Variants in LRCH1 observed in about 807,000 individuals in gnomAD.
LRCH1 encodes the protein leucine-rich repeat and calponin homology domain-containing protein 1.
A neutral mutation model predicts 94.9 loss-of-function variants in LRCH1; 23 were observed. The ratio of observed to expected loss-of-function variants is 0.24; its 90% CI spans 0.17 to 0.34. The LOEUF (loss-of-function observed/expected upper bound fraction) is 0.34. Among genes scored for constraint, LRCH1 ranks in the 10% least tolerant of loss-of-function variants. The pLI is 1.00. For missense variants in LRCH1, 790 were observed against 945.9 expected, an observed-to-expected ratio of 0.84 and a Z score of 2.16; for synonymous variants, 364 against 354.9, an observed-to-expected ratio of 1.03 and a Z score of -0.29.
intron 1 of LRCH1, among the ~76,000 whole-genome samples, chr13:46,585,568 A>C (rs563906603): frequency 0.011 from 1,734 of 151,758 alleles, 37 homozygotes; most frequent in African/African-American, 0.04. Context: ...AAAAAAAAAA[A>C]AAACAAAAAA....
intron 1 of LRCH1, among the ~76,000 whole-genome samples, chr13:46,595,179 A>G (rs760374913): frequency 6.6e-6 from 1 of 152,154 alleles, no homozygotes; most frequent in East Asian, 1.9e-4. Context: ...CGAGAACCCT[A>G]TTCTCCTGTG....
chr13:46,580,324 G>A (rs574064376), intron 1 of LRCH1, among the ~76,000 whole-genome samples: 7 of 152,176 alleles, frequency 4.6e-5, no homozygotes, highest in African/African-American at 1.7e-4. Flanking sequence ...TTTTCTTGTA[G>A]GGCCCTTCTG....
intron 1 of LRCH1, among the ~76,000 whole-genome samples, chr13:46,610,183 A>G (rs1224913614): frequency 6.6e-6 from 1 of 152,212 alleles, no homozygotes; most frequent in Non-Finnish European, 1.5e-5. Context: ...AGAGTTTGAA[A>G]TGATAATCCA....
chr13:46,650,872 A>G (rs2051287531), intron 2 of LRCH1, among the ~76,000 whole-genome samples: 1 of 152,220 alleles, frequency 6.6e-6, no homozygotes, highest in Non-Finnish European at 1.5e-5. Flanking sequence ...GCCAGATACA[A>G]AGTTTGCTAT....
At chr13:46,653,073 C>G (rs780767850) in intron 2 of LRCH1, among the ~76,000 whole-genome samples, 3 of 152,070 alleles carry the variant, frequency 2.0e-5, no homozygotes, top group Non-Finnish European at 2.9e-5. Context: ...TTCATTGAAA[C>G]GGATCATGGC....
chr13:46,686,048 G>A lies in LRCH1; in HGVS notation c.822+7G>A. ...GCAGTCTCCTCCAGCACAGGTGAGG[G>A]GTCTTGCAGCAAAGCCAATGCCCCA... On this transcript the variant is annotated splice_region_variant and intron_variant, in intron 5 of 19. Coordinates refer to ENST00000389797, the MANE Select transcript of LRCH1 (RefSeq NM_001164211.2). The A allele has an allele frequency of 1.9e-6, 3 of 1,549,320 alleles. No homozygotes were observed. Among genetic ancestry groups the A allele is most frequent in the Non-Finnish European group, 2.6e-6 (3 of 1,152,026 alleles).
At chr13:46,733,532 G>A (rs571252796) in intron 18 of LRCH1, among the ~76,000 whole-genome samples, 4 of 151,946 alleles carry the variant, frequency 2.6e-5, no homozygotes, top group East Asian at 1.9e-4. Context: ...CTATATATAC[G>A]TGTGTGTGTG....
chr13:46,705,666 G>A, intron 13 of LRCH1: 1 of 385,868 alleles, frequency 2.6e-6, no homozygotes, highest in Non-Finnish European at 4.9e-6. Context: ...GCCAAGAAAA[G>A]GTCTGGGAAT....
In LRCH1 at chr13:46,649,865, A is replaced by AAT. The variant is rs2051270102; in HGVS notation, c.308-329_308-328dup. Reference sequence around the variant, plus strand: ...AAAAATTGAATTAATAATTTTGGTAAATATATATGTATTCAGATACGTTAA... The same window carrying AAT: ...AAAAATTGAATTAATAATTTTGGTAAATATATATATGTATTCAGATACGTTAA... On this transcript the variant is annotated intron_variant, in intron 1 of 19. Transcript: ENST00000389797. 2.0e-5 allele frequency among the ~76,000 whole-genome samples: 3 copies of AAT among 152,224 alleles called. No homozygotes were observed. The South Asian group carries it at 6.2e-4, about 32-fold the overall frequency.
chr13:46,583,501 G>A (rs2050396157), intron 1 of LRCH1, among the ~76,000 whole-genome samples: 1 of 152,176 alleles, frequency 6.6e-6, no homozygotes, highest in South Asian at 2.1e-4. Flanking sequence ...TAACTCAGAA[G>A]CCACTCTGTG....
chr13:46,750,451 C>T (rs1223879934), intron 18 of LRCH1: 2 of 919,494 alleles, frequency 2.2e-6, no homozygotes, highest in Non-Finnish European at 3.4e-6. Flanking sequence ...AGTATTCAAC[C>T]TAACTTTGAT....
intron 13 of LRCH1, among the ~76,000 whole-genome samples, chr13:46,706,788 C>T (rs546758899): frequency 6.6e-6 from 1 of 152,166 alleles, no homozygotes; most frequent in South Asian, 2.1e-4. Context: ...TCTACAAAAG[C>T]TTGCAAAAAT....
At chr13:46,555,827 C>T (rs999903594) in intron 1 of LRCH1, among the ~76,000 whole-genome samples, 3 of 152,202 alleles carry the variant, frequency 2.0e-5, no homozygotes, top group East Asian at 3.8e-4. Context: ...TTCTGCAAAA[C>T]GTCTTTGCCT....
At chr13:46,740,308 A>G (rs1169082302) in intron 19 of LRCH1, among the ~76,000 whole-genome samples, 4 of 152,260 alleles carry the variant, frequency 2.6e-5, no homozygotes, top group African/African-American at 4.8e-5. Context: ...CTGAATACAT[A>G]TAACATGATT....
chr13:46,752,896 G>A (rs1428966988), exon 19 of LRCH1: 2 of 152,028 alleles, frequency 1.3e-5, no homozygotes, highest in African/African-American at 4.8e-5. Flanking sequence ...CTATGGCTAA[G>A]ACGTCTTCAA....
Position 46,701,170 on chromosome 13 carries a change from C to G in LRCH1, c.1363C>G (p.Leu455Val). Reference sequence around the variant, plus strand: ...CATGGATATAGCAATGATCGAGCAGCTGAGAGAAGCAGTAGATTTGCTGCA... The same window carrying G: ...CATGGATATAGCAATGATCGAGCAGGTGAGAGAAGCAGTAGATTTGCTGCA... ...QDMDIAMIEQ[L>V]REAVDLLQDP... The change falls in exon 11 of 20, where the codon CTG becomes GTG. Residue 455 changes from leucine to valine, a missense_variant. Leu to Val is a conservative substitution (Grantham distance 32). Around this residue, in one of 3 missense-constraint regions of LRCH1, gnomAD observed 460 missense variants for 508.9 expected, o/e 0.90. Coordinates refer to ENST00000389797, the MANE Select transcript of LRCH1 (RefSeq NM_001164211.2). The G allele has an allele frequency of 6.2e-7, 1 of 1,613,846 alleles. No individual in the cohort carries two copies. The highest frequency in any genetic ancestry group is 8.5e-7 in the Non-Finnish European group (1 of 1,179,764).
At chr13:46,721,370 AT>A (rs1872576839) in intron 16 of LRCH1, among the ~76,000 whole-genome samples, 4 of 152,210 alleles carry the variant, frequency 2.6e-5, no homozygotes, top group Admixed American at 1.3e-4. Context: ...ATCCAACTCT[AT>A]CTGCATTTCT....
At chr13:46,633,236 G>A (rs911591076) in intron 1 of LRCH1, among the ~76,000 whole-genome samples, 3 of 152,198 alleles carry the variant, frequency 2.0e-5, no homozygotes, top group Non-Finnish European at 4.4e-5. Flanking sequence ...ATTTCTGGAA[G>A]GAGTCTAACT....
At chr13:46,640,810 T>C (rs1272493229) in intron 1 of LRCH1, among the ~76,000 whole-genome samples, 4 of 152,198 alleles carry the variant, frequency 2.6e-5, no homozygotes, top group African/African-American at 9.7e-5. Context: ...AAGGTTAAGA[T>C]GGTTATGAAA....
Sources: gnomAD v4.1 joint callset for allele counts (sites outside exome capture counted in the v4.1 genomes callset) on GRCh38, gnomAD v4.1.1 for gene constraint, gnomAD v4.1.1 regional missense constraint, MANE v1.5 for transcripts, NCBI Gene and HGNC (gene_info 2026-07-23, HGNC 2026-07-21) for gene names.